The following DPYSL5 variants were observed in gnomAD, a reference collection of about 807,000 sequenced individuals.
DPYSL5 encodes the protein dihydropyrimidinase like 5.
DPYSL5 carries 9 observed loss-of-function variants against 58.4 expected under a neutral mutation model. The observed-to-expected ratio is 0.15, with a 90% CI of 0.09 to 0.27. The LOEUF is 0.27. Among genes scored for constraint, DPYSL5 ranks in the 10% least tolerant of loss-of-function variants. The probability of loss-of-function intolerance (pLI) is 1.00; values close to 1 mark genes in which losing one functional copy is unlikely to be tolerated. For missense variants in DPYSL5, 499 were observed against 770.6 expected, an observed-to-expected ratio of 0.65 and a Z score of 4.17; for synonymous variants, 293 against 301.9, an observed-to-expected ratio of 0.97 and a Z score of 0.31.
chr2:26,867,606 C>T (rs1211189045), intron 1 of DPYSL5, among the ~76,000 whole-genome samples: 1 of 151,708 alleles, frequency 6.6e-6, no homozygotes, highest in African/African-American at 2.4e-5. Context: ...CAGGCGCCCG[C>T]CACTACGCCC....
At chr2:26,914,244 C>T (rs1192026274) in intron 2 of DPYSL5, among the ~76,000 whole-genome samples, 1 of 152,190 alleles carries the variant, frequency 6.6e-6, no homozygotes, top group African/African-American at 2.4e-5. Context: ...GAGAGTACCT[C>T]GCTGCGCTGA....
chr2:26,894,171 A>G (rs1465305357), intron 1 of DPYSL5, among the ~76,000 whole-genome samples: 1 of 151,820 alleles, frequency 6.6e-6, no homozygotes, highest in Non-Finnish European at 1.5e-5. Flanking sequence ...CTGGATGGAA[A>G]TTTTAAGCAA....
intron 2 of DPYSL5, among the ~76,000 whole-genome samples, chr2:26,906,285 G>A (rs1664287469): frequency 6.6e-6 from 1 of 151,048 alleles, no homozygotes; most frequent in African/African-American, 2.4e-5. Context: ...CCAGGTTCAA[G>A]AGATTCTCCT....
chr2:26,889,329 G>C (rs1195221411), intron 1 of DPYSL5, among the ~76,000 whole-genome samples: 1 of 151,938 alleles, frequency 6.6e-6, no homozygotes, highest in Middle Eastern at 3.2e-3. Context: ...GAGTGCAGTG[G>C]TGCGATCTCA....
chr2:26,906,554 C>T (rs1664298909), intron 2 of DPYSL5, among the ~76,000 whole-genome samples: 1 of 152,138 alleles, frequency 6.6e-6, no homozygotes, highest in Non-Finnish European at 1.5e-5. Context: ...GGAATATAAC[C>T]TAATCATGGG....
intron 1 of DPYSL5, among the ~76,000 whole-genome samples, chr2:26,848,756 G>A (rs540397092): frequency 2.0e-5 from 3 of 152,194 alleles, no homozygotes; most frequent in Non-Finnish European, 2.9e-5. Flanking sequence ...GATCTGCCCA[G>A]CCTGGACCCG....
At chr2:26,851,413 C>T (rs982220667) in intron 1 of DPYSL5, among the ~76,000 whole-genome samples, 3 of 67,930 alleles carry the variant, frequency 4.4e-5, no homozygotes, top group Non-Finnish European at 8.6e-5. Context: ...ATTCTTAATG[C>T]TTCTATCTCT....
intron 1 of DPYSL5, among the ~76,000 whole-genome samples, chr2:26,861,688 T>C (rs1341489092): frequency 1.3e-5 from 2 of 152,218 alleles, no homozygotes; most frequent in Non-Finnish European, 2.9e-5. Flanking sequence ...TGTGTTTCAA[T>C]TACTTGTGGA....
chr2:26,880,145 C>T (rs1212702029), intron 1 of DPYSL5, among the ~76,000 whole-genome samples: 1 of 152,196 alleles, frequency 6.6e-6, no homozygotes, highest in Non-Finnish European at 1.5e-5. Flanking sequence ...CTGCCTCAGC[C>T]TCCCCAAGTG....
In DPYSL5 at chr2:26,944,798, T is replaced by C; in HGVS notation, c.1583T>C (p.Leu528Pro). The C allele has an allele frequency of 6.2e-7, 1 of 1,614,122 alleles. No homozygotes were observed. The highest frequency in any genetic ancestry group is 1.1e-5 in the South Asian group (1 of 91,074). The change falls in exon 12 of 13, where the codon CTT (leucine) becomes CCT (proline). Residue 528 changes from leucine (L) to proline (P), a missense_variant. Leu to Pro is a moderately conservative substitution (Grantham distance 98). Around this residue, in one of 3 missense-constraint regions of DPYSL5, gnomAD observed 33 missense variants for 63.8 expected, o/e 0.52. Coordinates refer to ENST00000288699, the MANE Select transcript of DPYSL5 (RefSeq NM_020134.4). This position sits in a 1 kb window ranked among gnomAD's most constrained non-coding sequence, Gnocchi z 4.4. ...ACCCGGCATGGGGGCATGAGGGACC[T>C]TCACGAATCCAGCTTCAGCCTCTCT... The part of the protein sequence containing the change: ...PVTRHGGMRD[L>P]HESSFSLSGS...
In DPYSL5 at chr2:26,857,275, G is replaced by A. The variant is rs570141791; in HGVS notation, c.-5+9021G>A. Among the ~76,000 whole-genome samples, 93 of 152,148 alleles carry A rather than the reference G, an allele frequency of 6.1e-4. 2 individuals are homozygous for A. In the South Asian group the frequency reaches 0.016, roughly 27 times the overall value. ...GTCTCAGCCAGGCGTGGTGGCTCAC[G>A]CCTGTAATCCCAGCACTTTTCGGGC... On this transcript the variant is annotated intron_variant, in intron 1 of 12. Transcript: ENST00000288699.
At chr2:26,901,115 G>T (rs1482431978) in intron 2 of DPYSL5, among the ~76,000 whole-genome samples, 1 of 152,040 alleles carries the variant, frequency 6.6e-6, no homozygotes, top group African/African-American at 2.4e-5. Flanking sequence ...GTGACGAAAG[G>T]CCCCAGATCT....
chr2:26,855,841 T>C (rs764685378), intron 1 of DPYSL5, among the ~76,000 whole-genome samples: 22 of 152,244 alleles, frequency 1.4e-4, no homozygotes, highest in Non-Finnish European at 2.8e-4. Context: ...GCCTCCTTTC[T>C]AATTTTTTAC....
At chr2:26,853,855 A>G (rs997586952) in intron 1 of DPYSL5, among the ~76,000 whole-genome samples, 1 of 152,134 alleles carries the variant, frequency 6.6e-6, no homozygotes, top group African/African-American at 2.4e-5. Flanking sequence ...CCTGGGAAAC[A>G]TAGGGAAACT....
At chr2:26,889,236 C>T (rs185864313) in intron 1 of DPYSL5, among the ~76,000 whole-genome samples, 7 of 152,056 alleles carry the variant, frequency 4.6e-5, no homozygotes, top group Admixed American at 2.0e-4. Context: ...CATCAACAAT[C>T]GGTAAAACTA....
chr2:26,932,181 A>AAG (rs1169400710), intron 6 of DPYSL5, among the ~76,000 whole-genome samples: 1 of 74,948 alleles, frequency 1.3e-5, no homozygotes, highest in African/African-American at 4.8e-5. Context: ...GAAAGAAAGA[A>AAG]AGAAAGAAAG....
chr2:26,879,455 T>C (rs913917634), intron 1 of DPYSL5, among the ~76,000 whole-genome samples: 12 of 136,614 alleles, frequency 8.8e-5, no homozygotes, highest in African/African-American at 2.7e-4. Context: ...ACCCTATCTC[T>C]ATTTGAAAAA....
intron 1 of DPYSL5, among the ~76,000 whole-genome samples, chr2:26,859,530 C>T (rs1665960338): frequency 6.6e-6 from 1 of 152,070 alleles, no homozygotes. Flanking sequence ...GCAAGTTGGT[C>T]ATTGAAGAAT....
intron 1 of DPYSL5, among the ~76,000 whole-genome samples, chr2:26,862,679 G>A (rs557811993): frequency 1.9e-4 from 29 of 152,240 alleles, no homozygotes; most frequent in African/African-American, 5.1e-4. Flanking sequence ...GCAGAGAGCC[G>A]CTGTGTGCCT....
Sources: gnomAD v4.1 joint callset for allele counts (sites outside exome capture counted in the v4.1 genomes callset) on GRCh38, gnomAD v4.1.1 for gene constraint, gnomAD v4.1.1 regional missense constraint, Gnocchi (gnomAD v3.1) non-coding constraint, MANE v1.5 for transcripts, NCBI Gene and HGNC (gene_info 2026-07-23, HGNC 2026-07-21) for gene names.